The following SH3PXD2A variants were observed in gnomAD, a reference collection of about 807,000 sequenced individuals.
SH3PXD2A encodes SH3 and PX domain-containing protein 2A.
In SH3PXD2A, 32 loss-of-function variants were observed where a neutral mutation model predicts 115.2. That is an observed-to-expected ratio of 0.28 (90% CI 0.21 to 0.37). The LOEUF (loss-of-function observed/expected upper bound fraction) is 0.37, where lower values mean the gene tolerates loss of function less well. Among genes scored for constraint, SH3PXD2A ranks in the 10% least tolerant of loss-of-function variants. The probability of loss-of-function intolerance (pLI) is 1.00; values close to 1 mark genes in which losing one functional copy is unlikely to be tolerated. For synonymous variants in SH3PXD2A, 610 were observed against 629.1 expected (o/e 0.97, Z 0.45); for missense variants, 1,328 against 1,498.7 (o/e 0.89, Z 1.88).
intron 1 of SH3PXD2A, among the ~76,000 whole-genome samples, chr10:103,806,204 C>T (rs2039200783): frequency 6.6e-6 from 1 of 152,138 alleles, no homozygotes. Flanking sequence ...AGAGGCCCCC[C>T]AGCCTACCCC....
At chr10:103,794,970 G>T (rs1002980818) in intron 2 of SH3PXD2A, among the ~76,000 whole-genome samples, 6 of 152,138 alleles carry the variant, frequency 3.9e-5, no homozygotes, top group Non-Finnish European at 7.4e-5. Context: ...ATTTCAGGGG[G>T]CAACTCAGGA....
intron 6 of SH3PXD2A, among the ~76,000 whole-genome samples, chr10:103,669,500 T>G (rs1304090665): frequency 6.6e-6 from 1 of 152,234 alleles, no homozygotes; most frequent in Admixed American, 6.5e-5. Context: ...TTTGCGTATT[T>G]CTAGAATAGA....
chr10:103,716,643 GGTGGGCTGGTAAGGCCA>G (rs1246267477), intron 5 of SH3PXD2A, among the ~76,000 whole-genome samples: 2 of 152,188 alleles, frequency 1.3e-5, no homozygotes, highest in Admixed American at 6.5e-5. Flanking sequence ...GTGGGTAAGA[GGTGGGCTGGTAAGGCCA>G]GTGGGCTGGT....
intron 8 of SH3PXD2A, among the ~76,000 whole-genome samples, chr10:103,649,272 C>A (rs962961902): frequency 1.3e-5 from 2 of 152,240 alleles, no homozygotes; most frequent in Non-Finnish European, 2.9e-5. Context: ...GTCTCCACTC[C>A]TAATCACCCC....
In SH3PXD2A at chr10:103,728,706, C is replaced by A. The variant is rs191115632; in HGVS notation, c.307-4345G>T. Among the ~76,000 whole-genome samples, 29 of 152,228 alleles carry A rather than the reference C, an allele frequency of 1.9e-4. 1 individual carries two copies. In the East Asian group the frequency reaches 5.6e-3, roughly 29 times the overall value. On this transcript the variant is annotated intron_variant, in intron 4 of 14. Transcript: ENST00000369774. ...AGAAACCTGTAGAGCTTTGTACAAG[C>A]CAGCATTTACTACTACTAACAATAT... is the stretch of plus-strand genomic sequence containing the variant.
chr10:103,718,436 C>T (rs2038133592), intron 5 of SH3PXD2A, among the ~76,000 whole-genome samples: 1 of 152,202 alleles, frequency 6.6e-6, no homozygotes, highest in Non-Finnish European at 1.5e-5. Context: ...CATCAAGCTT[C>T]TCTTGCCCAC....
intron 7 of SH3PXD2A, among the ~76,000 whole-genome samples, chr10:103,664,088 C>T (rs910143675): frequency 2.0e-5 from 3 of 152,220 alleles, no homozygotes; most frequent in Non-Finnish European, 4.4e-5. Context: ...CACTGTGCCC[C>T]TAGGGGAACA....
At chr10:103,605,987 C>A in intron 13 of SH3PXD2A, 70 bp from the exon 14 acceptor site, 1 of 1,566,358 alleles carries the variant, frequency 6.4e-7, no homozygotes, top group Non-Finnish European at 8.7e-7. Context: ...AAGGGTTGGT[C>A]CCCACTCAGT....
intron 6 of SH3PXD2A, chr10:103,673,645 G>C (rs1372723521): frequency 6.6e-6 from 1 of 152,210 alleles, no homozygotes; most frequent in Non-Finnish European, 1.5e-5. Flanking sequence ...AGTAACTCCA[G>C]AGCAGTGAGA....
At chr10:103,709,830 G>T (rs2134155334) in intron 5 of SH3PXD2A, among the ~76,000 whole-genome samples, 1 of 152,364 alleles carries the variant, frequency 6.6e-6, no homozygotes. Flanking sequence ...GGCTGGCCGG[G>T]CAAGGTGGCT....
At chr10:103,642,364 T>A (rs1325585647) in intron 8 of SH3PXD2A, among the ~76,000 whole-genome samples, 1 of 152,156 alleles carries the variant, frequency 6.6e-6, no homozygotes, top group African/African-American at 2.4e-5. Flanking sequence ...GGGTTAAAGA[T>A]CATCGAACAT....
At chr10:103,631,999 C>A (rs2036787452) in intron 8 of SH3PXD2A, among the ~76,000 whole-genome samples, 1 of 152,070 alleles carries the variant, frequency 6.6e-6, no homozygotes, top group African/African-American at 2.4e-5. Flanking sequence ...CATGTCTCAT[C>A]CTGACACTTC....
chr10:103,638,466 CAGA>C (rs2036899723), intron 8 of SH3PXD2A, among the ~76,000 whole-genome samples: 1 of 152,222 alleles, frequency 6.6e-6, no homozygotes, highest in Non-Finnish European at 1.5e-5. Context: ...GTGAGGCACC[CAGA>C]AGGAGGCCTG....
intron 6 of SH3PXD2A, among the ~76,000 whole-genome samples, chr10:103,686,937 G>A (rs1240723860): frequency 6.6e-6 from 1 of 151,880 alleles, no homozygotes; most frequent in Non-Finnish European, 1.5e-5. Context: ...TAGTAGAGAC[G>A]GGGTTTTGCC....
In SH3PXD2A at chr10:103,608,630, T is replaced by C. The variant is rs549769799; in HGVS notation, c.1309-2713A>G. The C allele has an allele frequency of 3.2e-3, 455 of 143,312 alleles. 1 individual carries two copies. Among genetic ancestry groups the C allele is most frequent in the African/African-American group, 0.012 (443 of 36,960 alleles). The allele number at this position is 143,312 out of a possible 1,614,324, so 8.9% of individuals were successfully genotyped here. A position where few individuals can be genotyped will look rare whatever the true frequency, so the allele number is the denominator to read the frequency against. Reference sequence around the variant, plus strand: ...TGCACATTTTAATTAAATTATTCTATTCTTTAAAAAAAAAAAAAAAAGAGA... The same window carrying C: ...TGCACATTTTAATTAAATTATTCTACTCTTTAAAAAAAAAAAAAAAAGAGA... On this transcript the variant is annotated intron_variant, in intron 13 of 14. Coordinates refer to ENST00000369774, the MANE Select transcript of SH3PXD2A (RefSeq NM_001394015.1).
At chr10:103,649,696 A>C (rs1411271208) in intron 8 of SH3PXD2A, among the ~76,000 whole-genome samples, 1 of 152,218 alleles carries the variant, frequency 6.6e-6, no homozygotes, top group Non-Finnish European at 1.5e-5. Flanking sequence ...ATGCTGCTGT[A>C]ATCAAAAGAT....
At chr10:103,679,699 C>T (rs1404347361) in intron 6 of SH3PXD2A, among the ~76,000 whole-genome samples, 3 of 152,270 alleles carry the variant, frequency 2.0e-5, no homozygotes, top group Non-Finnish European at 4.4e-5. Context: ...ATGTTAAAAT[C>T]TGCATATTTG....
chr10:103,813,499 G>T (rs947122108), intron 1 of SH3PXD2A, among the ~76,000 whole-genome samples: 1 of 151,896 alleles, frequency 6.6e-6, no homozygotes, highest in Non-Finnish European at 1.5e-5. Context: ...TAATTTTTTT[G>T]TAGAGATGGG....
intron 4 of SH3PXD2A, among the ~76,000 whole-genome samples, chr10:103,729,682 T>A (rs1195494755): frequency 7.2e-5 from 11 of 152,190 alleles, no homozygotes; most frequent in Admixed American, 3.9e-4. Flanking sequence ...CAGGGGTCAG[T>A]GAGCTGGCTG....
Sources: allele counts gnomAD v4.1 joint callset (sites outside exome capture counted in the v4.1 genomes callset), GRCh38; gene constraint gnomAD v4.1.1; transcripts MANE v1.5; gene names NCBI Gene and HGNC (gene_info 2026-07-23, HGNC 2026-07-21).